The following SLC9B1 variants were observed in gnomAD, a reference collection of about 807,000 sequenced individuals.
SLC9B1 encodes the protein solute carrier family 9 member B1.
A neutral mutation model predicts 51.7 loss-of-function variants in SLC9B1; 32 were observed. The ratio of observed to expected loss-of-function variants is 0.62; its 90% CI spans 0.47 to 0.83. SLC9B1 has a LOEUF of 0.83. SLC9B1 is among the 40% of genes least tolerant of loss of function. The pLI is 0.00. For missense variants in SLC9B1, 406 were observed against 613.2 expected, an observed-to-expected ratio of 0.66 and a Z score of 3.57; for synonymous variants, 145 against 212.7, an observed-to-expected ratio of 0.68 and a Z score of 2.77.
At chr4:102,900,700 C>A (rs1254367482), downstream of SLC9B1, among the ~76,000 whole-genome samples, 4 of 152,154 alleles carry the variant, frequency 2.6e-5, no homozygotes, top group Middle Eastern at 3.4e-3. Flanking sequence ...ATCTTTTTAA[C>A]TGAATTACTG....
intron 1 of SLC9B1, among the ~76,000 whole-genome samples, chr4:102,992,323 C>G (rs1335651635): frequency 6.6e-6 from 1 of 152,048 alleles, no homozygotes; most frequent in African/African-American, 2.4e-5. Flanking sequence ...GTAATCTTTG[C>G]TAGCTTCAAA....
intron 3 of SLC9B1, among the ~76,000 whole-genome samples, chr4:102,955,129 A>G (rs1737718287): frequency 6.6e-6 from 1 of 152,178 alleles, no homozygotes; most frequent in Non-Finnish European, 1.5e-5. Context: ...TTGTACTCCC[A>G]CAATTCCCAC....
intron 3 of SLC9B1, among the ~76,000 whole-genome samples, chr4:102,982,775 T>C (rs756741111): frequency 6.6e-6 from 1 of 152,098 alleles, no homozygotes; most frequent in African/African-American, 2.4e-5. Flanking sequence ...TTCCAGGAGT[T>C]TTTTTTACAT....
intron 7 of SLC9B1, among the ~76,000 whole-genome samples, chr4:102,914,203 G>A (rs912269307): frequency 7.9e-6 from 1 of 127,036 alleles, no homozygotes; most frequent in Non-Finnish European, 1.6e-5. Flanking sequence ...AACTAGTTGA[G>A]CCATTATTAC....
At chr4:102,887,662 T>A in intron 11 of SLC9B1, 1 of 346,712 alleles carries the variant, frequency 2.9e-6, no homozygotes, top group Non-Finnish European at 5.3e-6. Flanking sequence ...ACTTCTGATT[T>A]TAATCTAGGA....
chr4:102,889,344 A>ACTT (rs1295948234), intron 11 of SLC9B1: 1 of 152,252 alleles, frequency 6.6e-6, no homozygotes, highest in African/African-American at 2.4e-5. Context: ...TGGTCACCAG[A>ACTT]CTTTGGAAAA....
intron 6 of SLC9B1, among the ~76,000 whole-genome samples, chr4:102,938,085 T>C (rs1268214179): frequency 6.6e-6 from 1 of 152,070 alleles, no homozygotes; most frequent in African/African-American, 2.4e-5. Context: ...GAATGGCAAG[T>C]TGGATAAAGA....
At chr4:102,964,585 A>G (rs1738323581) in intron 3 of SLC9B1, among the ~76,000 whole-genome samples, 1 of 152,216 alleles carries the variant, frequency 6.6e-6, no homozygotes, top group African/African-American at 2.4e-5. Flanking sequence ...AACATATGAA[A>G]AGGATTTTAT....
chr4:102,948,754 C>A (rs188923912), intron 4 of SLC9B1, among the ~76,000 whole-genome samples: 4 of 152,144 alleles, frequency 2.6e-5, no homozygotes, highest in Non-Finnish European at 4.4e-5. Context: ...TATATGTGGG[C>A]ACTAAACAAT....
chr4:103,017,887 T>C (rs764579510), intron 1 of SLC9B1, among the ~76,000 whole-genome samples: 13 of 152,214 alleles, frequency 8.5e-5, no homozygotes, highest in Non-Finnish European at 1.6e-4. Flanking sequence ...CTTTAAAAAA[T>C]ACTTAATGAA....
chr4:102,950,788 G>C (rs1440851632), intron 3 of SLC9B1, among the ~76,000 whole-genome samples: 2 of 152,176 alleles, frequency 1.3e-5, no homozygotes, highest in Non-Finnish European at 2.9e-5. Context: ...GAGCTCAGGA[G>C]TTCAAAATGA....
chr4:102,924,697 A>C (rs575644630), intron 7 of SLC9B1, among the ~76,000 whole-genome samples: 6 of 152,202 alleles, frequency 3.9e-5, no homozygotes, highest in Admixed American at 3.3e-4. Context: ...CAAATAACTT[A>C]AACAAATTTA....
intron 3 of SLC9B1, among the ~76,000 whole-genome samples, chr4:102,966,619 G>A (rs1434475154): frequency 6.6e-6 from 1 of 152,162 alleles, no homozygotes; most frequent in African/African-American, 2.4e-5. Context: ...AGTGATGCAT[G>A]GATTCTGTCT....
chr4:102,889,796 T>C (rs563375888), intron 11 of SLC9B1: 3 of 152,304 alleles, frequency 2.0e-5, no homozygotes, highest in South Asian at 4.1e-4. Flanking sequence ...TTCTTGTAAA[T>C]TTACACAATT....
intron 6 of SLC9B1, among the ~76,000 whole-genome samples, chr4:102,939,769 T>A (rs1736899681): frequency 6.6e-6 from 1 of 152,180 alleles, no homozygotes; most frequent in African/African-American, 2.4e-5. Flanking sequence ...CCAATAAATG[T>A]GATTCATCAT....
In SLC9B1 at chr4:102,907,392, A is replaced by G. The variant is rs892357248; in HGVS notation, c.1087-748T>C. ...CTCAATCCCATTAAAGTGAATCCTGATATATATAGCATATACTACTAGGAA... is the reference window on the plus strand; with the variant it reads ...CTCAATCCCATTAAAGTGAATCCTGGTATATATAGCATATACTACTAGGAA... On this transcript the variant is annotated intron_variant, in intron 9 of 11. Transcript: ENST00000296422. 3.9e-4 allele frequency among the ~76,000 whole-genome samples: 59 copies of G among 152,216 alleles called. 1 individual carries two copies. The highest frequency in any genetic ancestry group is 8.8e-5 in the Non-Finnish European group (6 of 68,026).
rs773566056 is a variant in SLC9B1, at chr4:103,009,077, T to C, written c.-2+10522A>G. ...CCTCCCAAAGTACTGGGATTACAGGTGTGAGCCACTGCGCCTGGCCAGGCT... is the reference window on the plus strand; with the variant it reads ...CCTCCCAAAGTACTGGGATTACAGGCGTGAGCCACTGCGCCTGGCCAGGCT... On this transcript the variant is annotated intron_variant, in intron 1 of 11. Transcript: ENST00000296422. Among the ~76,000 whole-genome samples the C allele has an allele frequency of 1.5e-4, 23 of 152,296 alleles. 1 individual carries two copies. In the East Asian group the frequency reaches 1.7e-3, roughly 12 times the overall value.
chr4:102,897,574 T>C (rs1228226886), downstream of SLC9B1: 1 of 307,696 alleles, frequency 3.2e-6, no homozygotes, highest in Admixed American at 4.1e-5. Context: ...ATTTACTTCA[T>C]GGTAGTTATC....
At chr4:102,926,880 T>C (rs1326795742) in intron 7 of SLC9B1, among the ~76,000 whole-genome samples, 1 of 152,218 alleles carries the variant, frequency 6.6e-6, no homozygotes, top group African/African-American at 2.4e-5. Flanking sequence ...CAAAACAGCA[T>C]GGTACTGGTA....
Sources: allele counts gnomAD v4.1 joint callset (sites outside exome capture counted in the v4.1 genomes callset), GRCh38; gene constraint gnomAD v4.1.1; transcripts MANE v1.5; gene names NCBI Gene and HGNC (gene_info 2026-07-23, HGNC 2026-07-21).